The following PPP2R5A variants were observed in gnomAD, a reference collection of about 807,000 sequenced individuals.
The protein encoded by PPP2R5A is protein phosphatase 2 regulatory subunit B'alpha, also known as serine/threonine-protein phosphatase 2A 56 kDa regulatory subunit alpha isoform.
A neutral mutation model predicts 64.2 loss-of-function variants in PPP2R5A; 25 were observed. The observed-to-expected ratio is 0.39, with a 90% CI of 0.28 to 0.54. The LOEUF (loss-of-function observed/expected upper bound fraction) is 0.54. Among genes scored for constraint, PPP2R5A ranks in the 20% least tolerant of loss-of-function variants. The probability of loss-of-function intolerance (pLI) is 0.67; values close to 1 mark genes in which losing one functional copy is unlikely to be tolerated. For missense variants in PPP2R5A, 425 were observed against 576.3 expected, an observed-to-expected ratio of 0.74 and a Z score of 2.69; for synonymous variants, 198 against 201.2, an observed-to-expected ratio of 0.98 and a Z score of 0.13.
intron 3 of PPP2R5A, among the ~76,000 whole-genome samples, chr1:212,337,094 A>T (rs2921126): frequency 0.011 from 1,726 of 152,314 alleles, 29 homozygotes; most frequent in African/African-American, 0.039. Context: ...AGAAGAAAGG[A>T]CCACAAGGAA....
rs1298658905 is a variant in PPP2R5A at position 212,357,247 on chromosome 1, G to T, written c.1189G>T (p.Ala397Ser). Residue 397 changes from alanine (A) to serine (S), a missense_variant, in exon 11 of 13, where the codon GCC (alanine) becomes TCC (serine). Coordinates refer to ENST00000261461, the MANE Select transcript of PPP2R5A (RefSeq NM_006243.4). Reference sequence around the variant, plus strand: ...TGATAAAATTCTGCCAATTATGTTTGCCAGTTTGTACAAAATTTCCAAAGA... The same window carrying T: ...TGATAAAATTCTGCCAATTATGTTTTCCAGTTTGTACAAAATTTCCAAAGA... ...NIDKILPIMF[A>S]SLYKISKEHW... 6.3e-7 allele frequency: 1 copy of T among 1,590,328 alleles called. No individual in the cohort carries two copies. The highest frequency in any genetic ancestry group is 2.3e-5 in the East Asian group (1 of 44,362).
intron 1 of PPP2R5A, chr1:212,319,618 CTTTTTTTTTT>C (rs11417541): frequency 7.9e-6 from 1 of 126,968 alleles, no homozygotes; most frequent in Non-Finnish European, 1.6e-5. Flanking sequence ...GTTTTCTTTT[CTTTTTTTTTT>C]TTTTTTTTTG....
At chr1:212,320,478 G>T (rs1215292095) in intron 1 of PPP2R5A, among the ~76,000 whole-genome samples, 4 of 152,208 alleles carry the variant, frequency 2.6e-5, no homozygotes, top group Non-Finnish European at 4.4e-5. Context: ...CCCAGACGGG[G>T]TGGTGGCTGG....
At chr1:212,287,950 A>G (rs1658534129) in intron 1 of PPP2R5A, among the ~76,000 whole-genome samples, 1 of 152,220 alleles carries the variant, frequency 6.6e-6, no homozygotes, top group Non-Finnish European at 1.5e-5. Flanking sequence ...TACTTTAATA[A>G]AAGTAATTGA....
chr1:212,296,853 T>C (rs1268739293), intron 1 of PPP2R5A, among the ~76,000 whole-genome samples: 2 of 152,206 alleles, frequency 1.3e-5, no homozygotes, highest in Non-Finnish European at 2.9e-5. Context: ...CCTGCAACAC[T>C]AAACTGGTTA....
chr1:212,289,396 A>G (rs1658562596), intron 1 of PPP2R5A, among the ~76,000 whole-genome samples: 1 of 152,210 alleles, frequency 6.6e-6, no homozygotes, highest in African/African-American at 2.4e-5. Flanking sequence ...TTGCAAGGTC[A>G]GTATTCCCAT....
intron 1 of PPP2R5A, among the ~76,000 whole-genome samples, chr1:212,298,908 CG>C (rs1400187164): frequency 3.6e-4 from 11 of 30,140 alleles, no homozygotes; most frequent in East Asian, 1.1e-3. Context: ...CCGGACTGGG[CG>C]GCTGGCCGGG....
intron 2 of PPP2R5A, among the ~76,000 whole-genome samples, chr1:212,333,004 C>T (rs992761879): frequency 2.6e-5 from 4 of 151,594 alleles, no homozygotes; most frequent in East Asian, 3.9e-4. Context: ...TGGGCTCAAG[C>T]GATTCTCCTG....
intron 1 of PPP2R5A, among the ~76,000 whole-genome samples, chr1:212,317,926 C>T (rs943627906): frequency 6.7e-6 from 1 of 150,190 alleles, no homozygotes; most frequent in Non-Finnish European, 1.5e-5. Flanking sequence ...GCAGAGGTTG[C>T]AGTGAGCTGA....
At chr1:212,340,726 C>T (rs1659672278) in intron 3 of PPP2R5A, among the ~76,000 whole-genome samples, 1 of 152,198 alleles carries the variant, frequency 6.6e-6, no homozygotes, top group South Asian at 2.1e-4. Flanking sequence ...TCCTTTTCCA[C>T]AGTTGGGCAG....
At chr1:212,293,213 G>T (rs969269997) in intron 1 of PPP2R5A, among the ~76,000 whole-genome samples, 7 of 152,198 alleles carry the variant, frequency 4.6e-5, no homozygotes, top group African/African-American at 1.7e-4. Flanking sequence ...CCAATGACCA[G>T]TATGAGTGAC....
At chr1:212,310,502 T>TC (rs1659008966) in intron 1 of PPP2R5A, among the ~76,000 whole-genome samples, 2 of 152,108 alleles carry the variant, frequency 1.3e-5, no homozygotes, top group Admixed American at 1.3e-4. Flanking sequence ...GGCCTACTTC[T>TC]CCCCCATCCC....
chr1:212,302,029 A>G lies in PPP2R5A; in HGVS notation c.181+15738A>G, dbSNP rs911965822. The G allele has an allele frequency of 6.6e-6, 10 of 1,521,202 alleles. No individual in the cohort carries two copies. In the Admixed American group the frequency reaches 2.0e-4, roughly 30 times the overall value. The allele number at this position is 1,521,202 out of a possible 1,614,324, so 94.2% of individuals were successfully genotyped here. ...CTTGAAATAACTTGGTTATCACCTC[A>G]GAAGTTTAGTTTATCACTGATTTAA... On this transcript the variant is annotated intron_variant, in intron 1 of 12. Transcript: ENST00000261461.
intron 1 of PPP2R5A, among the ~76,000 whole-genome samples, chr1:212,321,140 C>G (rs1376244114): frequency 7.0e-6 from 1 of 143,096 alleles, no homozygotes; most frequent in African/African-American, 2.6e-5. Flanking sequence ...GTAGGGGCGG[C>G]CGGCAGAGGC....
intron 1 of PPP2R5A, among the ~76,000 whole-genome samples, chr1:212,305,044 T>C (rs1388563812): frequency 6.9e-6 from 1 of 145,188 alleles, no homozygotes; most frequent in Non-Finnish European, 1.5e-5. Context: ...AATTTTTTTT[T>C]TTTTTTTTTT....
At chr1:212,295,607 A>G (rs1183995110) in intron 1 of PPP2R5A, among the ~76,000 whole-genome samples, 8 of 152,182 alleles carry the variant, frequency 5.3e-5, no homozygotes, top group Non-Finnish European at 1.0e-4. Context: ...GTAAGGGAAA[A>G]AGGTACAACC....
chr1:212,337,543 A>C (rs560544359), intron 3 of PPP2R5A, among the ~76,000 whole-genome samples: 1 of 152,266 alleles, frequency 6.6e-6, no homozygotes, highest in African/African-American at 2.4e-5. Context: ...CATATACTAT[A>C]TTTTAAATAT....
intron 8 of PPP2R5A, among the ~76,000 whole-genome samples, chr1:212,351,605 T>C (rs1022013273): frequency 1.3e-5 from 2 of 152,042 alleles, no homozygotes; most frequent in Non-Finnish European, 2.9e-5. Flanking sequence ...TCCCAGCTAC[T>C]TGGGAGACTG....
chr1:212,307,418 T>C (rs1658939440), intron 1 of PPP2R5A, among the ~76,000 whole-genome samples: 3 of 152,154 alleles, frequency 2.0e-5, no homozygotes, highest in South Asian at 4.1e-4. Context: ...ATTAGTGTTA[T>C]ATAATATCTG....
Sources: gnomAD v4.1 joint callset for allele counts (sites outside exome capture counted in the v4.1 genomes callset) on GRCh38, gnomAD v4.1.1 for gene constraint, MANE v1.5 for transcripts, NCBI Gene and HGNC (gene_info 2026-07-23, HGNC 2026-07-21) for gene names.